Variants in CHRNA1 observed in about 807,000 individuals in gnomAD.
CHRNA1 encodes the protein cholinergic receptor nicotinic alpha 1 subunit, also known as acetylcholine receptor subunit alpha.
In CHRNA1, 35 loss-of-function variants were observed where a neutral mutation model predicts 47.1. The observed-to-expected ratio is 0.74, with a 90% CI of 0.57 to 0.99. CHRNA1 has a LOEUF of 0.99. Ranked by LOEUF, CHRNA1 falls within the 50% of genes least tolerant of loss-of-function variation. The probability of loss-of-function intolerance (pLI) is 0.00; values close to 1 mark genes in which losing one functional copy is unlikely to be tolerated. For synonymous variants in CHRNA1, 229 were observed against 223.6 expected (o/e 1.02, Z -0.22); for missense variants, 506 against 591.1 (o/e 0.86, Z 1.49).
chr2:174,764,424 A>T lies in CHRNA1; in HGVS notation c.-30T>A. 6.2e-7 allele frequency: 1 copy of T among 1,608,788 alleles called. No homozygotes were observed. The highest frequency in any genetic ancestry group is 1.1e-5 in the South Asian group (1 of 89,898). The stretch of plus-strand genomic sequence containing the variant: ...TACCGGAGCTTGTGTGGACCAGGGC[A>T]GAGTGGTGGCCTGTGCTTCTCACTG... On this transcript the variant is annotated 5_prime_UTR_variant, in exon 1 of 9. Coordinates refer to ENST00000348749, the MANE Select transcript of CHRNA1 (RefSeq NM_000079.4).
At chr2:174,760,567 G>C (rs1684083934) in intron 1 of CHRNA1, among the ~76,000 whole-genome samples, 1 of 152,212 alleles carries the variant, frequency 6.6e-6, no homozygotes, top group Non-Finnish European at 1.5e-5. Flanking sequence ...GAGGGATCGG[G>C]TGGGACTCCT....
In CHRNA1 at chr2:174,748,084, G is replaced by A. The variant is rs367925483; in HGVS notation, c.*40C>T. ...TCCTCTCCTGCCCTTCTCTGCTCTG[G>A]TAGGTTCCAGGGCAGAGCTAAGCTC... On this transcript the variant is annotated 3_prime_UTR_variant, in exon 9 of 9. Coordinates refer to ENST00000348749, the MANE Select transcript of CHRNA1 (RefSeq NM_000079.4). The A allele has an allele frequency of 6.2e-7, 1 of 1,613,080 alleles. No homozygotes were observed. Among genetic ancestry groups the A allele is most frequent in the Non-Finnish European group, 8.5e-7 (1 of 1,179,824 alleles).
In CHRNA1 at chr2:174,748,003, A is replaced by G; in HGVS notation, c.*121T>C. 8.0e-7 allele frequency: 1 copy of G among 1,251,722 alleles called. No homozygotes were observed. The highest frequency in any genetic ancestry group is 1.1e-6 in the Non-Finnish European group (1 of 878,506). 77.5% of individuals were successfully genotyped at this position (1,251,722 alleles called of 1,614,324 possible). ...ATAAAGGTAAATCTTATCATCAATA[A>G]TAAGTATGGAATATAACACGTTTGA... On this transcript the variant is annotated 3_prime_UTR_variant, in exon 9 of 9. Coordinates refer to ENST00000348749, the MANE Select transcript of CHRNA1 (RefSeq NM_000079.4).
intron 7 of CHRNA1, among the ~76,000 whole-genome samples, chr2:174,749,530 C>T (rs1338010634): frequency 6.6e-6 from 1 of 152,218 alleles, no homozygotes; most frequent in Non-Finnish European, 1.5e-5. Context: ...TCATCAGGAA[C>T]CCTCCCATCT....
rs2105352075 is a variant in CHRNA1 at position 174,759,511 on chromosome 2, G to C, written c.166C>G (p.Gln56Glu). ...ACCACATTGATGAGCTGTATCAGCT[G>C]CAGGCCCACGGTGACCTCCACGACC... Reference protein sequence around the residue: ...RQVVEVTVGLQLIQLINVDEV... With the variant: ...RQVVEVTVGLELIQLINVDEV... The change falls in exon 2 of 9, where the codon CAG (glutamine) becomes GAG (glutamate). Residue 56 changes from glutamine (Q) to glutamate (E), a missense_variant. Coordinates refer to ENST00000348749, the MANE Select transcript of CHRNA1 (RefSeq NM_000079.4). The C allele has an allele frequency of 1.2e-6, 2 of 1,614,168 alleles. No homozygotes were observed.
At chr2:174,752,406 C>CA (rs1474185046) in intron 6 of CHRNA1, among the ~76,000 whole-genome samples, 1 of 151,950 alleles carries the variant, frequency 6.6e-6, no homozygotes, top group Non-Finnish European at 1.5e-5. Flanking sequence ...CCCGTTTCTA[C>CA]AAAAAATACA....
chr2:174,748,877 C>G, intron 7 of CHRNA1, 58 bp from the exon 8 acceptor site: 1 of 1,600,158 alleles, frequency 6.2e-7, no homozygotes, highest in South Asian at 1.1e-5. Context: ...AAGCATAAAA[C>G]TCTGTCTTTG....
intron 6 of CHRNA1, chr2:174,753,164 T>C: frequency 1.8e-6 from 1 of 561,278 alleles, no homozygotes; most frequent in Non-Finnish European, 3.2e-6. Flanking sequence ...ATGAGAAGTG[T>C]CTGGGATCAC....
chr2:174,756,197 C>T (rs977467288), intron 4 of CHRNA1, among the ~76,000 whole-genome samples: 1 of 152,102 alleles, frequency 6.6e-6, no homozygotes, highest in Non-Finnish European at 1.5e-5. Flanking sequence ...ACAAAATAAG[C>T]CATTTCTGCC....
intron 4 of CHRNA1, among the ~76,000 whole-genome samples, chr2:174,754,709 G>A (rs1683939501): frequency 6.6e-6 from 1 of 151,824 alleles, no homozygotes. Flanking sequence ...GGTAACATGG[G>A]TCCACTGCAT....
intron 6 of CHRNA1, among the ~76,000 whole-genome samples, chr2:174,752,285 T>C (rs2044945): frequency 0.92 from 140,065 of 152,084 alleles, 64,577 homozygotes; most frequent in East Asian, 1. Context: ...TAAAAACAAG[T>C]GCAGGGCAGG....
At chr2:174,760,020 G>T (rs965702002) in intron 1 of CHRNA1, among the ~76,000 whole-genome samples, 11 of 152,024 alleles carry the variant, frequency 7.2e-5, no homozygotes, top group Non-Finnish European at 1.5e-4. Context: ...TGAAATCTTG[G>T]ACTGGCTGCA....
At chr2:174,754,019 A>G (rs1458992432) in intron 5 of CHRNA1, among the ~76,000 whole-genome samples, 200 bp downstream of exon 5, 1 of 152,160 alleles carries the variant, frequency 6.6e-6, no homozygotes, top group African/African-American at 2.4e-5. Context: ...TTACATCAGA[A>G]TTCTTGAGAC....
At chr2:174,758,507 T>A (rs1427864431) in intron 3 of CHRNA1, among the ~76,000 whole-genome samples, 1 of 152,186 alleles carries the variant, frequency 6.6e-6, no homozygotes, top group Admixed American at 6.5e-5. Flanking sequence ...AGCACCAACA[T>A]GACACTCAGG....
At position 174,753,571 on chromosome 2, in the gene CHRNA1, T is replaced by C; in HGVS notation, c.710A>G (p.Asn237Ser). 2 of 1,613,996 alleles carry C rather than the reference T, an allele frequency of 1.2e-6. No individual in the cohort carries two copies. The change falls in exon 6 of 9, where the codon AAC becomes AGC. Residue 237 changes from asparagine (N) to serine (S), a missense_variant. Asn to Ser is a conservative substitution (Grantham distance 46). Coordinates refer to ENST00000348749, the MANE Select transcript of CHRNA1 (RefSeq NM_000079.4). ...MQRLPLYFIV[N>S]VIIPCLLFSF... The stretch of plus-strand genomic sequence containing the variant: ...GAAGAGCAGGCAGGGGATGATGACG[T>C]TGACGATGAAGTAGAGGGGCAGGCG...
chr2:174,756,621 T>C (rs1683984804), intron 4 of CHRNA1, among the ~76,000 whole-genome samples: 1 of 152,238 alleles, frequency 6.6e-6, no homozygotes, highest in African/African-American at 2.4e-5. Context: ...AACTGAAAGA[T>C]ACTTCATCAG....
At chr2:174,757,302 G>C (rs990994753) in intron 4 of CHRNA1, among the ~76,000 whole-genome samples, 1 of 151,466 alleles carries the variant, frequency 6.6e-6, no homozygotes, top group African/African-American at 2.4e-5. Flanking sequence ...CGTCAACTTG[G>C]CTCTTGGTTT....
rs1446747352 is a variant in CHRNA1 at position 174,753,162 on chromosome 2, T to TG, written c.778+340dup. 1.6e-5 allele frequency: 9 copies of TG among 556,096 alleles called. No individual in the cohort carries two copies. The East Asian group carries it at 2.4e-4, about 15-fold the overall frequency. 34.4% of individuals were successfully genotyped at this position (556,096 alleles called of 1,614,324 possible). On this transcript the variant is annotated intron_variant, in intron 6 of 8. Coordinates refer to ENST00000348749, the MANE Select transcript of CHRNA1 (RefSeq NM_000079.4). Reference sequence around the variant, plus strand: ...TTCATCGTGGAAGTGGCATGAGAAGTGTCTGGGATCACATGCCTTACCCAG... The same window carrying TG: ...TTCATCGTGGAAGTGGCATGAGAAGTGGTCTGGGATCACATGCCTTACCCAG...
At chr2:174,757,064 G>A (rs1235751196) in intron 4 of CHRNA1, among the ~76,000 whole-genome samples, 1 of 152,162 alleles carries the variant, frequency 6.6e-6, no homozygotes, top group East Asian at 1.9e-4. Flanking sequence ...TCGAGAAGGT[G>A]TTCAGGATGT....
Sources: gnomAD v4.1 joint callset for allele counts (sites outside exome capture counted in the v4.1 genomes callset) on GRCh38, gnomAD v4.1.1 for gene constraint, MANE v1.5 for transcripts, NCBI Gene and HGNC (gene_info 2026-07-23, HGNC 2026-07-21) for gene names.